The following PCDH11Y variants were observed in gnomAD, a reference collection of about 807,000 sequenced individuals.
The protein encoded by PCDH11Y is protocadherin-11 Y-linked.
For missense variants in PCDH11Y, 12 were observed against 224.8 expected, an observed-to-expected ratio of 0.05 and a Z score of 6.05; for synonymous variants, 9 against 83.6, an observed-to-expected ratio of 0.11 and a Z score of 4.87.
intron 4 of PCDH11Y, among the ~76,000 whole-genome samples, chrY:5,586,809 C>T: frequency 3.1e-5 from 1 of 32,524 alleles, no homozygotes; most frequent in Non-Finnish European, 7.6e-5. Context: ...TGGTTTTATT[C>T]AGGTCTTCTC....
intron 2 of PCDH11Y, among the ~76,000 whole-genome samples, chrY:5,427,445 T>C (rs2053264632): frequency 6.1e-5 from 2 of 32,726 alleles, no homozygotes; most frequent in African/African-American, 2.4e-4. Context: ...CTAACTTTTA[T>C]TGAGTCCCCA....
At chrY:5,001,405 G>A (rs2124616749) in intron 1 of PCDH11Y, among the ~76,000 whole-genome samples, 1 of 34,093 alleles carries the variant, frequency 2.9e-5, no homozygotes, top group Admixed American at 2.6e-4. Context: ...GACATAAAAG[G>A]GTTCCTCTTT....
intron 1 of PCDH11Y, among the ~76,000 whole-genome samples, chrY:5,016,624 C>T: frequency 9.4e-5 from 3 of 31,925 alleles, no homozygotes; most frequent in African/African-American, 3.6e-4. Flanking sequence ...TAACATTTAC[C>T]TTCTTGAATG....
intron 2 of PCDH11Y, among the ~76,000 whole-genome samples, chrY:5,439,678 A>T: frequency 3.0e-5 from 1 of 33,248 alleles, no homozygotes; most frequent in African/African-American, 1.2e-4. Flanking sequence ...GAGAAAAAGA[A>T]ACTCACCATT....
At chrY:5,385,129 CT>C (rs1274959418) in intron 2 of PCDH11Y, among the ~76,000 whole-genome samples, 66 of 9,505 alleles carry the variant, frequency 6.9e-3, no homozygotes, top group African/African-American at 0.021. Flanking sequence ...TACTGGCCAG[CT>C]TTTTTTTTTT....
chrY:5,090,223 C>A, intron 1 of PCDH11Y, among the ~76,000 whole-genome samples: 1 of 33,272 alleles, frequency 3.0e-5, no homozygotes, highest in Non-Finnish European at 7.5e-5. Context: ...ACCATTAGAT[C>A]ATTACCCTGC....
chrY:5,208,164 C>A, intron 2 of PCDH11Y: 1 of 120,386 alleles, frequency 8.3e-6, no homozygotes, highest in Non-Finnish European at 1.7e-5. Context: ...GCTGCGGGGC[C>A]CAACTCCCGT....
chrY:5,407,002 C>G, intron 2 of PCDH11Y, among the ~76,000 whole-genome samples: 2 of 33,497 alleles, frequency 6.0e-5, no homozygotes, highest in Non-Finnish European at 1.5e-4. Context: ...CAGAATCACA[C>G]ACAGTTACTA....
intron 3 of PCDH11Y, among the ~76,000 whole-genome samples, chrY:5,520,275 T>C (rs1602937429): frequency 1.6e-4 from 4 of 25,185 alleles, no homozygotes; most frequent in Non-Finnish European, 3.7e-4. Flanking sequence ...AATACTCCTC[T>C]GTTCCCAATC....
At chrY:5,497,767 A>G in intron 2 of PCDH11Y, among the ~76,000 whole-genome samples, 1 of 33,965 alleles carries the variant, frequency 2.9e-5, no homozygotes, top group Non-Finnish European at 7.3e-5. Flanking sequence ...GAGCCAATTT[A>G]TCAAGACAGG....
intron 3 of PCDH11Y, among the ~76,000 whole-genome samples, chrY:5,547,993 C>T (rs112585220): frequency 0.055 from 1,746 of 31,492 alleles, no homozygotes; most frequent in South Asian, 0.27. Flanking sequence ...AGAAGTCTAT[C>T]GACTCAATCT....
At chrY:5,029,696 G>A (rs2052585585) in intron 1 of PCDH11Y, among the ~76,000 whole-genome samples, 1 of 27,163 alleles carries the variant, frequency 3.7e-5, no homozygotes, top group Non-Finnish European at 8.6e-5. Flanking sequence ...AGGCCAAGGC[G>A]GGCAAATCAT....
At chrY:5,496,599 A>G in intron 2 of PCDH11Y, among the ~76,000 whole-genome samples, 1 of 31,986 alleles carries the variant, frequency 3.1e-5, no homozygotes, top group Non-Finnish European at 7.6e-5. Context: ...GAGGGGTCCT[A>G]GAGGATGATT....
intron 1 of PCDH11Y, among the ~76,000 whole-genome samples, chrY:5,058,774 C>A (rs2124628523): frequency 3.0e-5 from 1 of 32,874 alleles, no homozygotes; most frequent in East Asian, 8.1e-4. Context: ...TTAGTACAAC[C>A]ACTAAGGAGA....
chrY:5,416,261 A>G, intron 2 of PCDH11Y, among the ~76,000 whole-genome samples: 1 of 33,364 alleles, frequency 3.0e-5, no homozygotes, highest in Non-Finnish European at 7.4e-5. Context: ...CAAAGTCGTC[A>G]GTGGTAGTAG....
At chrY:5,243,256 C>G (rs2052990725) in intron 2 of PCDH11Y, among the ~76,000 whole-genome samples, 1 of 34,037 alleles carries the variant, frequency 2.9e-5, no homozygotes, top group Admixed American at 2.7e-4. Flanking sequence ...TCTCATTGAT[C>G]CCATGTGATC....
chrY:5,515,136 AT>A (rs2053370540), intron 3 of PCDH11Y, among the ~76,000 whole-genome samples: 1 of 33,712 alleles, frequency 3.0e-5, no homozygotes, highest in Non-Finnish European at 7.4e-5. Flanking sequence ...CTTCATTTGT[AT>A]TCTGCTTTTT....
intron 2 of PCDH11Y, among the ~76,000 whole-genome samples, chrY:5,435,467 C>G: frequency 3.2e-5 from 1 of 31,012 alleles, no homozygotes; most frequent in Admixed American, 2.9e-4. Flanking sequence ...GCGCCCGCCA[C>G]CATGCCCAGC....
chrY:5,266,035 T>A (rs112018354), intron 2 of PCDH11Y, among the ~76,000 whole-genome samples: 2,239 of 32,099 alleles, frequency 0.07, no homozygotes, highest in Non-Finnish European at 0.11. Context: ...TGTAGTGTTT[T>A]GAAATCACAG....
Sources: gnomAD v4.1 joint callset for allele counts (sites outside exome capture counted in the v4.1 genomes callset) on GRCh38, gnomAD v4.1.1 for gene constraint, MANE v1.5 for transcripts, NCBI Gene and HGNC (gene_info 2026-07-23, HGNC 2026-07-21) for gene names.